CTNNA2: variants seen among roughly 807,000 people sequenced by gnomAD.
The protein encoded by CTNNA2 is catenin alpha-2.
CTNNA2 carries 42 observed loss-of-function variants against 101.0 expected under a neutral mutation model. That is an observed-to-expected ratio of 0.42 (90% confidence interval 0.32 to 0.54). The LOEUF is 0.54. Among genes scored for constraint, CTNNA2 ranks in the 20% least tolerant of loss-of-function variants. The pLI is 0.14. For missense variants in CTNNA2, 871 were observed against 1,223.1 expected (o/e 0.71, Z 4.29); for synonymous variants, 450 against 456.4 (o/e 0.99, Z 0.18).
chr2:79,868,773 C>T (rs1272799850), intron 4 of CTNNA2, among the ~76,000 whole-genome samples: 1 of 152,152 alleles, frequency 6.6e-6, no homozygotes, highest in Non-Finnish European at 1.5e-5. Context: ...TGGAACTAGT[C>T]GGGGGCCTCT....
chr2:80,590,098 A>C (rs955815799), intron 15 of CTNNA2, among the ~76,000 whole-genome samples: 1 of 152,236 alleles, frequency 6.6e-6, no homozygotes, highest in African/African-American at 2.4e-5. Context: ...TTGACAAATC[A>C]AGTGACCAGT....
At chr2:79,630,935 A>T (rs928030463) in intron 1 of CTNNA2, among the ~76,000 whole-genome samples, 2 of 152,334 alleles carry the variant, frequency 1.3e-5, no homozygotes, top group African/African-American at 4.8e-5. Context: ...TGAAAAGTCT[A>T]TAGTATATTT....
chr2:79,893,018 G>C (rs1018499687), intron 6 of CTNNA2, among the ~76,000 whole-genome samples: 4 of 151,986 alleles, frequency 2.6e-5, no homozygotes, highest in Admixed American at 2.6e-4. Context: ...TATTATTATG[G>C]TCACAGACAT....
At chr2:80,088,995 AC>A (rs1558796439) in intron 7 of CTNNA2, among the ~76,000 whole-genome samples, 1 of 151,842 alleles carries the variant, frequency 6.6e-6, no homozygotes, top group African/African-American at 2.4e-5. Context: ...GGGAAAATAA[AC>A]CCATTTCACT....
chr2:79,633,573 C>T (rs1433674553), intron 1 of CTNNA2: 7 of 152,216 alleles, frequency 4.6e-5, no homozygotes, highest in African/African-American at 1.7e-4. Context: ...GAGCAGGGGC[C>T]TTTGAGAGGT....
At chr2:79,954,764 C>T (rs1689112000) in intron 7 of CTNNA2, among the ~76,000 whole-genome samples, 1 of 152,068 alleles carries the variant, frequency 6.6e-6, no homozygotes, top group African/African-American at 2.4e-5. Context: ...AAAGTATATG[C>T]CAGGTTTTCA....
At position 80,302,037 on chromosome 2, in the gene CTNNA2, T is replaced by C; in HGVS notation, c.1057-91174T>C. 1 of 564,818 alleles carries C rather than the reference T, an allele frequency of 1.8e-6. No individual in the cohort carries two copies. Among genetic ancestry groups the C allele is most frequent in the Non-Finnish European group, 3.0e-6 (1 of 330,450 alleles). 35.0% of individuals were successfully genotyped at this position (564,818 alleles called of 1,614,324 possible). ...AATTTAAGATAGACTGTCCTGAAGG[T>C]TGTGGGGTGGGGTTTTTTGTTGTGT... On this transcript the variant is annotated intron_variant, in intron 7 of 18. Coordinates refer to ENST00000402739, the MANE Select transcript of CTNNA2 (RefSeq NM_001282597.3). This position sits in a 1 kb window ranked among gnomAD's most constrained non-coding sequence, Gnocchi z 6.4.
intron 2 of CTNNA2, among the ~76,000 whole-genome samples, chr2:79,248,251 T>A (rs1674723391): frequency 6.6e-6 from 1 of 152,164 alleles, no homozygotes. Flanking sequence ...GGTAACATAA[T>A]GCAGGCCAGA....
Position 80,377,735 on chromosome 2 carries a change from A to C in CTNNA2, c.1057-15476A>C, listed in dbSNP as rs574830071. Among the ~76,000 whole-genome samples, 28 of 152,332 alleles carry C rather than the reference A, an allele frequency of 1.8e-4. No individual in the cohort carries two copies. In the South Asian group the frequency reaches 3.9e-3, roughly 21 times the overall value. ...ATAAGCCTTCTAGGAGACTAAGATG[A>C]ACCTTGGAGCTAGCACTATGGCTTT... is the stretch of plus-strand genomic sequence containing the variant. On this transcript the variant is annotated intron_variant, in intron 7 of 18. Coordinates refer to ENST00000402739, the MANE Select transcript of CTNNA2 (RefSeq NM_001282597.3).
chr2:79,817,627 G>A (rs950627857), intron 3 of CTNNA2, among the ~76,000 whole-genome samples: 3 of 152,114 alleles, frequency 2.0e-5, no homozygotes, highest in Non-Finnish European at 4.4e-5. Context: ...CAACTCACAG[G>A]CACCTTCTCT....
chr2:80,106,529 AG>A (rs1700899820), intron 7 of CTNNA2, among the ~76,000 whole-genome samples: 1 of 152,120 alleles, frequency 6.6e-6, no homozygotes, highest in Non-Finnish European at 1.5e-5. Context: ...GTGGTGGTGA[AG>A]TAGCACGTTT....
At chr2:80,359,712 C>G (rs994536943) in intron 7 of CTNNA2, among the ~76,000 whole-genome samples, 9 of 152,140 alleles carry the variant, frequency 5.9e-5, no homozygotes, top group Admixed American at 2.6e-4. Flanking sequence ...TAAACCTCTT[C>G]TCTTTATAAG....
At chr2:79,741,652 C>A (rs1671294458) in intron 2 of CTNNA2, among the ~76,000 whole-genome samples, 1 of 152,116 alleles carries the variant, frequency 6.6e-6, no homozygotes, top group African/African-American at 2.4e-5. Flanking sequence ...CCACATTTCT[C>A]CTTTGTTACT....
At chr2:79,233,942 G>T (rs1029715055) in intron 2 of CTNNA2, among the ~76,000 whole-genome samples, 2 of 150,392 alleles carry the variant, frequency 1.3e-5, no homozygotes, top group African/African-American at 4.9e-5. Flanking sequence ...GTCATTACAT[G>T]TGAGATGCAT....
chr2:80,276,811 C>T (rs1335773318), intron 7 of CTNNA2, among the ~76,000 whole-genome samples: 1 of 152,044 alleles, frequency 6.6e-6, no homozygotes, highest in African/African-American at 2.4e-5. Flanking sequence ...CCCCCATGAC[C>T]CAAACACCCC....
chr2:79,192,392 C>T (rs1673886410), intron 1 of CTNNA2, among the ~76,000 whole-genome samples: 1 of 152,154 alleles, frequency 6.6e-6, no homozygotes, highest in Non-Finnish European at 1.5e-5. Context: ...ATGTTCCTCA[C>T]TTACATAAAT....
At chr2:80,000,644 G>C in intron 7 of CTNNA2, among the ~76,000 whole-genome samples, 1 of 152,022 alleles carries the variant, frequency 6.6e-6, no homozygotes, top group East Asian at 1.9e-4. Flanking sequence ...ATACAACTTT[G>C]CATGTTTCCC....
At chr2:80,367,130 C>T (rs1049718001) in intron 7 of CTNNA2, among the ~76,000 whole-genome samples, 6 of 151,762 alleles carry the variant, frequency 4.0e-5, no homozygotes, top group East Asian at 1.9e-4. Context: ...CTAAGCAGTT[C>T]CCGGCTTGAC....
chr2:79,919,615 C>G (rs1652318699), intron 7 of CTNNA2, among the ~76,000 whole-genome samples: 1 of 152,188 alleles, frequency 6.6e-6, no homozygotes, highest in Admixed American at 6.5e-5. Flanking sequence ...TCTGGTATTT[C>G]AAAGAAGACC....
Sources: gnomAD v4.1 joint callset for allele counts (sites outside exome capture counted in the v4.1 genomes callset) on GRCh38, gnomAD v4.1.1 for gene constraint, Gnocchi (gnomAD v3.1) non-coding constraint, MANE v1.5 for transcripts, NCBI Gene and HGNC (gene_info 2026-07-23, HGNC 2026-07-21) for gene names.